The following STN1 variants were observed in gnomAD, a reference collection of about 807,000 sequenced individuals.
The protein encoded by STN1 is CST complex subunit STN1.
Under a neutral mutation model 45.5 loss-of-function variants are expected in STN1, and 29 were observed. The ratio of observed to expected loss-of-function variants is 0.64; its 90% CI spans 0.47 to 0.87. The LOEUF (loss-of-function observed/expected upper bound fraction) is 0.87, where lower values mean the gene tolerates loss of function less well. Ranked by LOEUF, STN1 falls within the 40% of genes least tolerant of loss-of-function variation. The pLI is 0.00. For missense variants in STN1, 376 were observed against 441.4 expected, an observed-to-expected ratio of 0.85 and a Z score of 1.33; for synonymous variants, 148 against 159.0, an observed-to-expected ratio of 0.93 and a Z score of 0.52.
rs1843073202 is a variant in STN1, at chr10:103,882,174, T to C, written c.*510A>G. 8.9e-6 allele frequency among the ~76,000 whole-genome samples: 1 copy of C among 112,800 alleles called. No homozygotes were observed. Among genetic ancestry groups the C allele is most frequent in the Non-Finnish European group, 2.1e-5 (1 of 48,114 alleles). The allele number at this position is 112,800 out of a possible 152,430, so 74.0% of individuals were successfully genotyped here. ...GCTGGTAACTGAGCCACAGAAACTG[T>C]AAGCACTCATCCAGGGAGAACTACT... On this transcript the variant is annotated 3_prime_UTR_variant, in exon 10 of 10. Transcript: ENST00000224950.
At chr10:103,914,463 C>T (rs1279058892) in intron 2 of STN1, among the ~76,000 whole-genome samples, 1 of 146,306 alleles carries the variant, frequency 6.8e-6, no homozygotes, top group East Asian at 2.0e-4. Context: ...CAGCCTTGAC[C>T]TTCCAGGCTA....
At chr10:103,904,546 A>C (rs1564634163) in intron 4 of STN1, among the ~76,000 whole-genome samples, 1 of 152,186 alleles carries the variant, frequency 6.6e-6, no homozygotes, top group African/African-American at 2.4e-5. Context: ...ATACAATTTT[A>C]AAGTTCTTTT....
intron 9 of STN1, among the ~76,000 whole-genome samples, chr10:103,883,580 C>T (rs1168574101): frequency 2.6e-5 from 4 of 152,054 alleles, no homozygotes; most frequent in African/African-American, 9.7e-5. Context: ...ACGGAAATCA[C>T]GCCCTACTCC....
chr10:103,909,791 A>G (rs1177785699), intron 3 of STN1, among the ~76,000 whole-genome samples: 1 of 152,130 alleles, frequency 6.6e-6, no homozygotes, highest in Non-Finnish European at 1.5e-5. Flanking sequence ...ACAAAAAGTG[A>G]CAATGTCAAT....
chr10:103,884,089 CAAAAAAAA>C (rs35521096), intron 9 of STN1, among the ~76,000 whole-genome samples: 3 of 49,798 alleles, frequency 6.0e-5, no homozygotes, highest in East Asian at 8.2e-4. Flanking sequence ...GACTCCATCT[CAAAAAAAA>C]AAAAAAAAAA....
chr10:103,917,550 G>A lies in STN1; in HGVS notation c.45C>T (p.Leu15=). Residue 15 remains leucine, a synonymous_variant, in exon 2 of 10, where the codon CTC becomes CTT. Coordinates refer to ENST00000224950, the MANE Select transcript of STN1 (RefSeq NM_024928.5). ...SSRCEEETPS[L]LWGLDPVFLA... ...GAAACACAGGATCCAAACCCCACAA[G>A]AGGGAAGGGGTCTCCTCTTCACACC... is the stretch of plus-strand genomic sequence containing the variant. 6.2e-7 allele frequency: 1 copy of A among 1,614,182 alleles called. No individual in the cohort carries two copies. Among genetic ancestry groups the A allele is most frequent in the Non-Finnish European group, 8.5e-7 (1 of 1,180,008 alleles).
At chr10:103,902,260 C>G (rs1189628556) in intron 4 of STN1, among the ~76,000 whole-genome samples, 1 of 152,158 alleles carries the variant, frequency 6.6e-6, no homozygotes, top group Non-Finnish European at 1.5e-5. Context: ...AAAAAATCCC[C>G]AACTGCTACT....
chr10:103,905,035 T>C (rs564549631), intron 4 of STN1, 56 bp downstream of exon 4: 54 of 1,481,042 alleles, frequency 3.6e-5, no homozygotes, highest in Middle Eastern at 1.7e-4. Flanking sequence ...ATGAACTACA[T>C]TGAGTAAAAT....
At position 103,893,651 on chromosome 10, in the gene STN1, C is replaced by T. The variant is rs1344425914; in HGVS notation, c.754-1399G>A. On this transcript the variant is annotated intron_variant, in intron 7 of 9. Coordinates refer to ENST00000224950, the MANE Select transcript of STN1 (RefSeq NM_024928.5). ...GCTGAAAAAGAGTGGCTGAGATTTG[C>T]TAATGACATTTCCTCAAGGGGAGAG... is the stretch of plus-strand genomic sequence containing the variant. 3.9e-5 allele frequency among the ~76,000 whole-genome samples: 6 copies of T among 152,300 alleles called. No individual in the cohort carries two copies. The East Asian group carries it at 1.2e-3, about 29-fold the overall frequency.
At position 103,882,808 on chromosome 10, in the gene STN1, A is replaced by T; in HGVS notation, c.983T>A (p.Leu328Ter). Residue 328 changes from leucine (L) to a stop codon, truncating the protein, a stop_gained, in exon 10 of 10, where the codon TTG becomes TAG. Transcript: ENST00000224950. LOFTEE classifies it high-confidence loss of function. ...MEKGCHFLHILACARLSIRPG... is the reference protein window; with the variant it reads ...MEKGCHFLHI ...GCGGATGCTCAGGCGAGCACAGGCC[A>T]AGATGTGCAGGAAGTGACAGCCCTT... 6.2e-7 allele frequency: 1 copy of T among 1,613,902 alleles called. No individual in the cohort carries two copies. The highest frequency in any genetic ancestry group is 8.5e-7 in the Non-Finnish European group (1 of 1,179,878).
chr10:103,917,696 G>T, intron 1 of STN1, 40 bp from the exon 2 acceptor site: 1 of 1,334,602 alleles, frequency 7.5e-7, no homozygotes, highest in East Asian at 2.4e-5. Context: ...TGCGTTTAAC[G>T]TGGGTCAAAG....
At chr10:103,891,097 G>A (rs1445208112) in intron 8 of STN1, among the ~76,000 whole-genome samples, 1 of 152,178 alleles carries the variant, frequency 6.6e-6, no homozygotes, top group Non-Finnish European at 1.5e-5. Flanking sequence ...AGCTTAAATG[G>A]CCATGCCCTC....
rs116869803 is a variant in STN1 at position 103,914,674 on chromosome 10, A to G, written c.133+2788T>C. On this transcript the variant is annotated intron_variant, in intron 2 of 9. Coordinates refer to ENST00000224950, the MANE Select transcript of STN1 (RefSeq NM_024928.5). ...GGGATACTTTTTTTTTAATGCAAAAAAAACCCAAAAACAAAACAAAACAAA... is the reference window on the plus strand; with the variant it reads ...GGGATACTTTTTTTTTAATGCAAAAGAAACCCAAAAACAAAACAAAACAAA... 3.1e-4 allele frequency among the ~76,000 whole-genome samples: 47 copies of G among 152,060 alleles called. 1 individual carries two copies. The East Asian group carries it at 8.3e-3, about 27-fold the overall frequency.
chr10:103,891,861 T>C (rs567623334), intron 8 of STN1, among the ~76,000 whole-genome samples: 54 of 152,316 alleles, frequency 3.5e-4, no homozygotes, highest in African/African-American at 1.3e-3. Flanking sequence ...ATATGTGGGT[T>C]TCACATCTGC....
chr10:103,898,563 A>G (rs1436271161), intron 6 of STN1, among the ~76,000 whole-genome samples: 2 of 152,190 alleles, frequency 1.3e-5, no homozygotes, highest in Non-Finnish European at 2.9e-5. Context: ...AGTTTTTATC[A>G]AACTTGGAAA....
chr10:103,881,543 A>G lies in STN1; in HGVS notation c.*1141T>C, dbSNP rs1016523110. On this transcript the variant is annotated 3_prime_UTR_variant, in exon 10 of 10. Coordinates refer to ENST00000224950, the MANE Select transcript of STN1 (RefSeq NM_024928.5). Reference sequence around the variant, plus strand: ...CTGGTTCTAGCTCTCAGCCTGACGTATCGAGCTGCAGCGGACTTCTGCGTA... The same window carrying G: ...CTGGTTCTAGCTCTCAGCCTGACGTGTCGAGCTGCAGCGGACTTCTGCGTA... 8.5e-5 allele frequency among the ~76,000 whole-genome samples: 13 copies of G among 152,342 alleles called. No individual in the cohort carries two copies. Among genetic ancestry groups the G allele is most frequent in the Admixed American group, 8.5e-4 (13 of 15,302 alleles).
intron 2 of STN1, among the ~76,000 whole-genome samples, chr10:103,911,983 C>G (rs1379695366): frequency 2.0e-5 from 3 of 152,068 alleles, no homozygotes; most frequent in African/African-American, 7.2e-5. Flanking sequence ...GCAAATTTAG[C>G]CAAAAGCAAG....
chr10:103,890,350 T>C lies in STN1; in HGVS notation c.877-1206A>G, dbSNP rs535150643. ...TAGGAAAGCACTAGGCAAACAGAAG[T>C]GTTGACTTATTTTAACCATTTCCCT... is the stretch of plus-strand genomic sequence containing the variant. On this transcript the variant is annotated intron_variant, in intron 8 of 9. Coordinates refer to ENST00000224950, the MANE Select transcript of STN1 (RefSeq NM_024928.5). Among the ~76,000 whole-genome samples, 43 of 152,218 alleles carry C rather than the reference T, an allele frequency of 2.8e-4. No homozygotes were observed. The East Asian group carries it at 8.3e-3, about 29-fold the overall frequency.
At chr10:103,909,683 A>G (rs890423391) in intron 3 of STN1, among the ~76,000 whole-genome samples, 2 of 151,974 alleles carry the variant, frequency 1.3e-5, no homozygotes, top group Admixed American at 1.3e-4. Flanking sequence ...CAAATTATCA[A>G]TCATGCAGGG....
Sources: allele counts gnomAD v4.1 joint callset (sites outside exome capture counted in the v4.1 genomes callset), GRCh38; gene constraint gnomAD v4.1.1; transcripts MANE v1.5; gene names NCBI Gene and HGNC (gene_info 2026-07-23, HGNC 2026-07-21).